ZFP62: variants seen among roughly 807,000 people sequenced by gnomAD.
ZFP62 encodes the protein zinc finger protein 62 homolog.
ZFP62 carries 44 observed loss-of-function variants against 56.4 expected under a neutral mutation model. The ratio of observed to expected loss-of-function variants is 0.78; its 90% confidence interval spans 0.61 to 1.00. The LOEUF (loss-of-function observed/expected upper bound fraction) is 1.00, where lower values mean the gene tolerates loss of function less well. Among genes scored for constraint, ZFP62 ranks in the 50% least tolerant of loss-of-function variants. The pLI, the probability that ZFP62 is intolerant of heterozygous loss-of-function variation, is 0.00. For synonymous variants in ZFP62, 421 were observed against 388.9 expected (o/e 1.08, Z -0.97); for missense variants, 1,030 against 1,085.7 (o/e 0.95, Z 0.72).
At chr5:180,851,975 A>T in intron 1 of ZFP62, 1 of 982,152 alleles carries the variant, frequency 1.0e-6, no homozygotes, top group Non-Finnish European at 1.2e-6. Flanking sequence ...AACTAAAGAG[A>T]AAAAATTAGT....
chr5:180,859,135 G>A (rs539812758), intron 1 of ZFP62, among the ~76,000 whole-genome samples: 3 of 152,118 alleles, frequency 2.0e-5, no homozygotes, highest in Non-Finnish European at 4.4e-5. Context: ...TGCTCTGGCC[G>A]AAAACCCCTT....
At position 180,851,026 on chromosome 5, in the gene ZFP62, C is replaced by T; in HGVS notation, c.469G>A (p.Val157Ile). Residue 157 changes from valine to isoleucine, a missense_variant, in exon 2 of 2, where the codon GTT becomes ATT. Val to Ile is a conservative substitution (Grantham distance 29). Transcript: ENST00000502412. ...GKSFKYNSRL[V>I]QHKIMHTGEK... ...CCAGTGTGCATAATTTTATGTTGAA[C>T]AAGGCGGGAATTATATTTGAAGGAT... 2.6e-6 allele frequency: 4 copies of T among 1,551,678 alleles called. No individual in the cohort carries two copies. Among genetic ancestry groups the T allele is most frequent in the Non-Finnish European group, 3.5e-6 (4 of 1,147,004 alleles).
the ZFP62 span, among the ~76,000 whole-genome samples, chr5:180,828,353 C>T: frequency 1.3e-5 from 2 of 152,086 alleles, no homozygotes; most frequent in African/African-American, 2.4e-5. Flanking sequence ...CAGGAGAGTC[C>T]GTAAGGCCCG....
At position 180,849,104 on chromosome 5, in the gene ZFP62, G is replaced by A; in HGVS notation, c.2391C>T (p.His797=). 1.3e-6 allele frequency: 2 copies of A among 1,555,118 alleles called. No individual in the cohort carries two copies. The highest frequency in any genetic ancestry group is 1.2e-5 in the South Asian group (1 of 84,230). Residue 797 remains histidine, a synonymous_variant, in exon 2 of 2, where the codon CAC becomes CAT. Coordinates refer to ENST00000502412, the MANE Select transcript of ZFP62 (RefSeq NM_001172638.2). Reference sequence around the variant, plus strand: ...CACTTTTATGATTGATAAGACTTGAGTGTGAGATGTATGCCTTCCCACACT... The same window carrying A: ...CACTTTTATGATTGATAAGACTTGAATGTGAGATGTATGCCTTCCCACACT... The part of the protein sequence containing the change: ...CDECGKAYIS[H]SSLINHKSVH...
At chr5:180,836,064 G>A in the ZFP62 span, among the ~76,000 whole-genome samples, 2 of 152,220 alleles carry the variant, frequency 1.3e-5, no homozygotes, top group South Asian at 4.1e-4. Context: ...ACAGTCACAT[G>A]CTGTACTGGT....
chr5:180,828,122 C>T, the ZFP62 span, among the ~76,000 whole-genome samples: 1 of 150,638 alleles, frequency 6.6e-6, no homozygotes, highest in Non-Finnish European at 1.5e-5. Context: ...GTTCCCCGGG[C>T]CCCCTTATTT....
At position 180,849,667 on chromosome 5, in the gene ZFP62, C is replaced by CT. The variant is rs1387716302; in HGVS notation, c.1827dup (p.Val610SerfsTer11). The CT allele has an allele frequency of 2.6e-6, 4 of 1,550,368 alleles. No individual in the cohort carries two copies. Among genetic ancestry groups the CT allele is most frequent in the South Asian group, 2.4e-5 (2 of 83,964 alleles). ...TTGTAGGGCTTCTCCCCAAGATGAA[C>CT]TTTTTTGTGGTTTGTAAGGGTTCGG... is the stretch of plus-strand genomic sequence containing the variant. On this transcript the variant is annotated frameshift_variant, in exon 2 of 2. Transcript: ENST00000502412. LOFTEE classifies it high-confidence loss of function.
chr5:180,851,015 T>A lies in ZFP62; in HGVS notation c.480A>T (p.Lys160Asn), dbSNP rs1165312305. The A allele has an allele frequency of 1.9e-6, 3 of 1,551,722 alleles. No homozygotes were observed. The highest frequency in any genetic ancestry group is 2.6e-6 in the Non-Finnish European group (3 of 1,147,088). The part of the protein sequence containing the change: ...FKYNSRLVQH[K>N]IMHTGEKRYE... Reference sequence around the variant, plus strand: ...AGCGCTTTTCCCCAGTGTGCATAATTTTATGTTGAACAAGGCGGGAATTAT... The same window carrying A: ...AGCGCTTTTCCCCAGTGTGCATAATATTATGTTGAACAAGGCGGGAATTAT... Residue 160 changes from lysine to asparagine, a missense_variant, in exon 2 of 2, where the codon AAA becomes AAT. Lys to Asn is a moderately conservative substitution (Grantham distance 94). Transcript: ENST00000502412.
chr5:180,860,021 T>C (rs550596564), intron 1 of ZFP62, among the ~76,000 whole-genome samples: 1 of 152,216 alleles, frequency 6.6e-6, no homozygotes, highest in Admixed American at 6.5e-5. Flanking sequence ...ATCCAAACAA[T>C]GGCCCATCCA....
intron 1 of ZFP62, chr5:180,860,733 A>C: frequency 6.4e-6 from 1 of 156,830 alleles, no homozygotes; most frequent in Non-Finnish European, 1.4e-5. Flanking sequence ...AGCGGAGGGG[A>C]AGAAGGTCGA....
chr5:180,844,640 A>T (rs1287186260), downstream of ZFP62, among the ~76,000 whole-genome samples: 2 of 152,224 alleles, frequency 1.3e-5, no homozygotes, highest in African/African-American at 2.4e-5. Flanking sequence ...ACGTGTGGTT[A>T]CTGGCCTCAG....
In ZFP62 at chr5:180,848,817, C is replaced by G; in HGVS notation, c.2678G>C (p.Gly893Ala). 1.3e-6 allele frequency: 2 copies of G among 1,538,680 alleles called. No individual in the cohort carries two copies. Among genetic ancestry groups the G allele is most frequent in the East Asian group, 2.5e-5 (1 of 40,608 alleles). Residue 893 changes from glycine to alanine, a missense_variant, in exon 2 of 2, where the codon GGG becomes GCG. Gly to Ala is a moderately conservative substitution (Grantham distance 60). Transcript: ENST00000502412. ...RTYEGGNALD[G>A]GRMRMPL ...CTACAGAGGCATCCTCATCCTGCCC[C>G]CATCCAGGGCATTCCCTCCCTCATA...
At chr5:180,830,547 AG>A in the ZFP62 span, 33 of 152,510 alleles carry the variant, frequency 2.2e-4, no homozygotes, top group Middle Eastern at 3.4e-3. Flanking sequence ...CACCACCATC[AG>A]GGTCTCAGTC....
chr5:180,852,153 A>AAGAGCTTG, intron 1 of ZFP62: 1 of 331,920 alleles, frequency 3.0e-6, no homozygotes. Context: ...GGAAGTCCAG[A>AAGAGCTTG]CATTGTCCCA....
At chr5:180,837,882 C>T in the ZFP62 span, among the ~76,000 whole-genome samples, 15 of 152,138 alleles carry the variant, frequency 9.9e-5, no homozygotes, top group African/African-American at 3.4e-4. Context: ...CGCCCTCCTC[C>T]GAGCCTCCTG....
In ZFP62 at chr5:180,849,784, T is replaced by G. The variant is rs1389604562; in HGVS notation, c.1711A>C (p.Ile571Leu). ...TGATTTATAAGGCTCGAGAGAGAGA[T>G]GTATGCTTTCCCACATTCTTCACAT... Reference protein sequence around the residue: ...YKCEECGKAYISLSSLINHKS... With the variant: ...YKCEECGKAYLSLSSLINHKS... Residue 571 changes from isoleucine to leucine, a missense_variant, in exon 2 of 2, where the codon ATC (isoleucine) becomes CTC (leucine). Physicochemically the swap from Ile to Leu is conservative, Grantham distance 5 (BLOSUM62 2). Coordinates refer to ENST00000502412, the MANE Select transcript of ZFP62 (RefSeq NM_001172638.2). 8 of 1,551,904 alleles carry G rather than the reference T, an allele frequency of 5.2e-6. No individual in the cohort carries two copies. The Admixed American group carries it at 5.9e-5, about 11-fold the overall frequency.
chr5:180,846,497 A>G (rs1176791585), downstream of ZFP62, among the ~76,000 whole-genome samples: 1 of 152,218 alleles, frequency 6.6e-6, no homozygotes, highest in Non-Finnish European at 1.5e-5. Context: ...ACGGGGAACG[A>G]GTACTCCATG....
At position 180,849,985 on chromosome 5, in the gene ZFP62, G is replaced by T; in HGVS notation, c.1510C>A (p.Pro504Thr). Residue 504 changes from proline (P) to threonine (T), a missense_variant, in exon 2 of 2, where the codon CCC (proline) becomes ACC (threonine). By Grantham distance (38) the Pro-to-Thr change is conservative. Transcript: ENST00000502412. ...NHKGIHLGEK[P>T]YKCSYCEKSF... Reference sequence around the variant, plus strand: ...TTCTCACAATAGCTACATTTATAGGGCTTCTCCCCAAGGTGGATTCCTTTG... The same window carrying T: ...TTCTCACAATAGCTACATTTATAGGTCTTCTCCCCAAGGTGGATTCCTTTG... 2 of 1,551,678 alleles carry T rather than the reference G, an allele frequency of 1.3e-6. No homozygotes were observed. The highest frequency in any genetic ancestry group is 1.7e-6 in the Non-Finnish European group (2 of 1,146,992).
chr5:180,849,860 A>G lies in ZFP62; in HGVS notation c.1635T>C (p.Asn545=). The G allele has an allele frequency of 6.4e-7, 1 of 1,551,634 alleles. No homozygotes were observed. The highest frequency in any genetic ancestry group is 1.2e-5 in the South Asian group (1 of 84,052). The stretch of plus-strand genomic sequence containing the variant: ...TTCGTTTATGTACTTTAAGGCCAGA[A>G]TTATTTCTGAAAGCTTTACCACACT... ...CDECGKAFRN[N]SGLKVHKRIH... is the part of the protein sequence containing the mutation. The change falls in exon 2 of 2, where the codon AAT becomes AAC. Residue 545 remains asparagine, a synonymous_variant. Coordinates refer to ENST00000502412, the MANE Select transcript of ZFP62 (RefSeq NM_001172638.2).
Sources: allele counts gnomAD v4.1 joint callset (sites outside exome capture counted in the v4.1 genomes callset), GRCh38; gene constraint gnomAD v4.1.1; transcripts MANE v1.5; gene names NCBI Gene and HGNC (gene_info 2026-07-23, HGNC 2026-07-21).